The following VPS13B variants were observed in gnomAD, a reference collection of about 807,000 sequenced individuals.
The protein encoded by VPS13B is vacuolar protein sorting 13 homolog B, also known as intermembrane lipid transfer protein VPS13B.
VPS13B carries 285 observed loss-of-function variants against 426.4 expected under a neutral mutation model. The observed-to-expected ratio is 0.67, with a 90% CI of 0.61 to 0.74. The LOEUF (loss-of-function observed/expected upper bound fraction) is 0.74, where lower values mean the gene tolerates loss of function less well. Among genes scored for constraint, VPS13B ranks in the 30% least tolerant of loss-of-function variants. VPS13B has a pLI of 0.00. For synonymous variants in VPS13B, 1,676 were observed against 1,676.4 expected, an observed-to-expected ratio of 1.00 and a Z score of 0.01; for missense variants, 4,537 against 4,782.6, an observed-to-expected ratio of 0.95 and a Z score of 1.51.
chr8:99,820,973 C>CTTTGGTA (rs1232875249), intron 49 of VPS13B, among the ~76,000 whole-genome samples: 3 of 151,504 alleles, frequency 2.0e-5, no homozygotes, highest in Non-Finnish European at 4.4e-5. Flanking sequence ...TTTTTAAAGC[C>CTTTGGTA]TTTGGTATTT....
chr8:99,390,010 T>C (rs1017878252), intron 20 of VPS13B, among the ~76,000 whole-genome samples: 1 of 152,194 alleles, frequency 6.6e-6, no homozygotes, highest in African/African-American at 2.4e-5. Context: ...TAGATTTGTG[T>C]ATTATCAGTT....
In VPS13B at chr8:99,499,710, T is replaced by G. The variant is rs1345895954; in HGVS notation, c.3871-1977T>G. ...GAACTACTTATTTTGTAAAAGCATT[T>G]ATATGAAAACTGCACAAACAGTGAG... is the stretch of plus-strand genomic sequence containing the variant. On this transcript the variant is annotated intron_variant, in intron 25 of 61. Transcript: ENST00000357162. Among the ~76,000 whole-genome samples, 6 of 152,260 alleles carry G rather than the reference T, an allele frequency of 3.9e-5. No homozygotes were observed. The South Asian group carries it at 1.2e-3, about 32-fold the overall frequency.
At chr8:99,640,452 GA>G (rs1170163980) in intron 33 of VPS13B, among the ~76,000 whole-genome samples, 1 of 151,844 alleles carries the variant, frequency 6.6e-6, no homozygotes, top group African/African-American at 2.4e-5. Flanking sequence ...ATTTTTTGTA[GA>G]GATAAGGTTT....
At chr8:99,249,841 C>T (rs1029353577) in intron 17 of VPS13B, among the ~76,000 whole-genome samples, 4 of 151,988 alleles carry the variant, frequency 2.6e-5, no homozygotes, top group South Asian at 2.1e-4. Flanking sequence ...AGGAGTTTGC[C>T]GAGGCTGCAG....
At chr8:99,372,281 G>A (rs1426695277) in intron 19 of VPS13B, among the ~76,000 whole-genome samples, 9 of 147,724 alleles carry the variant, frequency 6.1e-5, no homozygotes, top group Admixed American at 5.4e-4. Flanking sequence ...AACACCAAAA[G>A]CAATGGCAAC....
intron 35 of VPS13B, among the ~76,000 whole-genome samples, chr8:99,665,812 G>A (rs1025191916): frequency 9.2e-5 from 14 of 152,172 alleles, no homozygotes; most frequent in Non-Finnish European, 1.5e-4. Flanking sequence ...GCTCTTTTTT[G>A]GTTCCATATG....
chr8:99,637,266 C>G (rs960765171), intron 33 of VPS13B, among the ~76,000 whole-genome samples: 2 of 151,972 alleles, frequency 1.3e-5, no homozygotes, highest in East Asian at 3.9e-4. Context: ...AGTAAATCTG[C>G]AGTGGACTGG....
rs1824575375 is a variant in VPS13B at position 99,556,534 on chromosome 8, T to C, written c.4830T>C (p.Asn1610=). The change falls in exon 31 of 62, where the codon AAT becomes AAC. Residue 1610 remains asparagine (N), a synonymous_variant. Transcript: ENST00000357162. ...RQYQIDLQSI[N]IGTAQWHQLK... is the part of the protein sequence containing the mutation. Reference sequence around the variant, plus strand: ...ACCAAATAGATCTGCAGTCCATCAATATTGGTACTGCACAGTGGCATCAAC... The same window carrying C: ...ACCAAATAGATCTGCAGTCCATCAACATTGGTACTGCACAGTGGCATCAAC... 6.2e-7 allele frequency: 1 copy of C among 1,613,360 alleles called. No homozygotes were observed. Among genetic ancestry groups the C allele is most frequent in the Admixed American group, 1.7e-5 (1 of 59,886 alleles).
intron 30 of VPS13B, among the ~76,000 whole-genome samples, chr8:99,540,050 TATATATATATATA>T (rs1453186813): frequency 0.021 from 119 of 5,538 alleles, 5 homozygotes; most frequent in East Asian, 0.029. Flanking sequence ...TATATATATA[TATATATATATATA>T]TTTTTTTTTT....
intron 17 of VPS13B, among the ~76,000 whole-genome samples, chr8:99,269,642 T>G (rs1027509366): frequency 1.3e-5 from 2 of 152,204 alleles, no homozygotes; most frequent in African/African-American, 4.8e-5. Context: ...GAAGCCACAT[T>G]TTAGCTTATT....
intron 3 of VPS13B, among the ~76,000 whole-genome samples, chr8:99,057,149 T>C (rs1563511758): frequency 6.6e-6 from 1 of 152,086 alleles, no homozygotes; most frequent in Non-Finnish European, 1.5e-5. Context: ...TAAATAATAA[T>C]ACCACCTACA....
intron 14 of VPS13B, among the ~76,000 whole-genome samples, chr8:99,152,965 C>T (rs1320593869): frequency 2.0e-5 from 3 of 151,966 alleles, no homozygotes; most frequent in Admixed American, 6.6e-5. Context: ...TCACTTGAGC[C>T]CAGGAGTTTG....
At chr8:99,405,277 C>A (rs532752948) in intron 21 of VPS13B, among the ~76,000 whole-genome samples, 2 of 152,250 alleles carry the variant, frequency 1.3e-5, no homozygotes, top group South Asian at 4.1e-4. Flanking sequence ...CTTGTTTCAT[C>A]TGCCTTCCTA....
At chr8:99,371,038 C>T (rs1470371030) in intron 19 of VPS13B, among the ~76,000 whole-genome samples, 4 of 152,080 alleles carry the variant, frequency 2.6e-5, no homozygotes, top group Non-Finnish European at 5.9e-5. Flanking sequence ...AAACATATAT[C>T]CTTCTAGGTT....
intron 21 of VPS13B, among the ~76,000 whole-genome samples, chr8:99,419,439 A>G (rs1420004708): frequency 6.9e-6 from 1 of 145,808 alleles, no homozygotes; most frequent in Non-Finnish European, 1.5e-5. Flanking sequence ...TATTTTTCAT[A>G]GTCATCTTCT....
chr8:99,025,011 G>T (rs1320199326), intron 2 of VPS13B, among the ~76,000 whole-genome samples: 2 of 151,684 alleles, frequency 1.3e-5, no homozygotes, highest in African/African-American at 2.4e-5. Flanking sequence ...TTACCTCCTT[G>T]ATTAAATTTA....
intron 34 of VPS13B, among the ~76,000 whole-genome samples, chr8:99,661,092 T>G (rs142756045): frequency 2.2e-4 from 34 of 152,294 alleles, no homozygotes; most frequent in Non-Finnish European, 3.4e-4. Context: ...CCTTCCCTCA[T>G]TTGTGATATG....
chr8:99,341,761 T>C, intron 19 of VPS13B: 1 of 393,752 alleles, frequency 2.5e-6, no homozygotes, highest in Non-Finnish European at 5.2e-6. Context: ...ACATCAGCAA[T>C]CTGGGTCAAA....
chr8:99,315,793 C>T (rs994556838), intron 19 of VPS13B, among the ~76,000 whole-genome samples: 8 of 152,114 alleles, frequency 5.3e-5, no homozygotes, highest in South Asian at 4.1e-4. Context: ...CCTGCCACCG[C>T]GCCCGGTTAA....
Sources: allele counts gnomAD v4.1 joint callset (sites outside exome capture counted in the v4.1 genomes callset), GRCh38; gene constraint gnomAD v4.1.1; transcripts MANE v1.5; gene names NCBI Gene and HGNC (gene_info 2026-07-23, HGNC 2026-07-21).